The following STRIP2 variants were observed in gnomAD, a reference collection of about 807,000 sequenced individuals.
STRIP2 encodes the protein striatin interacting protein 2, also known as striatin-interacting protein 2.
A neutral mutation model predicts 107.1 loss-of-function variants in STRIP2; 84 were observed. The ratio of observed to expected loss-of-function variants is 0.78; its 90% CI spans 0.66 to 0.94. STRIP2 has a LOEUF of 0.94. STRIP2 is among the 40% of genes least tolerant of loss of function. The probability of loss-of-function intolerance (pLI) is 0.00; values close to 1 mark genes in which losing one functional copy is unlikely to be tolerated. For synonymous variants in STRIP2, 394 were observed against 400.4 expected, an observed-to-expected ratio of 0.98 and a Z score of 0.19; for missense variants, 888 against 1,034.2, an observed-to-expected ratio of 0.86 and a Z score of 1.94.
At chr7:129,444,190 T>C in intron 3 of STRIP2, 92 bp downstream of exon 3, 1 of 857,364 alleles carries the variant, frequency 1.2e-6, no homozygotes, top group Non-Finnish European at 1.9e-6. Context: ...AGTGCGATCC[T>C]TCATCCCCTC....
chr7:129,458,081 G>C lies in STRIP2; in HGVS notation c.1039-134G>C, dbSNP rs1164133641. ...GGACAGTAGGTTAAGGTGGGGAATT[G>C]GATGTTTTCGCAAGGGCTGTGTTCA... On this transcript the variant is annotated intron_variant, in intron 9 of 20. Coordinates refer to ENST00000249344, the MANE Select transcript of STRIP2 (RefSeq NM_020704.3). The surrounding 1 kb of genome is among the most constrained non-coding windows in gnomAD (Gnocchi z 4.6). The C allele has an allele frequency of 2.7e-6, 2 of 747,998 alleles. No homozygotes were observed. Among genetic ancestry groups the C allele is most frequent in the Non-Finnish European group, 4.8e-6 (2 of 418,628 alleles). 46.3% of individuals were successfully genotyped at this position (747,998 alleles called of 1,614,324 possible). A position where few individuals can be genotyped will look rare whatever the true frequency, so the allele number is the denominator to read the frequency against.
intron 8 of STRIP2, among the ~76,000 whole-genome samples, chr7:129,455,635 A>G (rs879338624): frequency 7.9e-5 from 12 of 152,156 alleles, no homozygotes; most frequent in East Asian, 3.9e-4. Context: ...ATTAAAGCCA[A>G]TGTTTGATGG....
At chr7:129,436,936 C>G (rs1302971071) in intron 1 of STRIP2, among the ~76,000 whole-genome samples, 1 of 152,192 alleles carries the variant, frequency 6.6e-6, no homozygotes, top group Non-Finnish European at 1.5e-5. Context: ...CACCTCAGAC[C>G]TCTTTTAGCC....
At chr7:129,443,874 A>T in intron 2 of STRIP2, 150 bp from the exon 3 acceptor site, 1 of 668,730 alleles carries the variant, frequency 1.5e-6, no homozygotes, top group Non-Finnish European at 2.7e-6. Context: ...GGCTATTTTT[A>T]ACGTTGCTCT....
chr7:129,467,384 A>C lies in STRIP2; in HGVS notation c.1811A>C (p.Asn604Thr). The C allele has an allele frequency of 6.2e-7, 1 of 1,613,854 alleles. No homozygotes were observed. Among genetic ancestry groups the C allele is most frequent in the Non-Finnish European group, 8.5e-7 (1 of 1,179,856 alleles). ...GTATCGCAACATTTGGTATTTGCCA[A>C]CTGCATCCCCTTGATCCTGAAGTTC... ...EYVSQHLVFA[N>T]CIPLILKFFN... is the part of the protein sequence containing the mutation. The change falls in exon 17 of 21, where the codon AAC becomes ACC. Residue 604 changes from asparagine (N) to threonine (T), a missense_variant. Coordinates refer to ENST00000249344, the MANE Select transcript of STRIP2 (RefSeq NM_020704.3).
chr7:129,464,161 C>T lies in STRIP2; in HGVS notation c.1649+20C>T. 6.4e-7 allele frequency: 1 copy of T among 1,569,472 alleles called. No individual in the cohort carries two copies. On this transcript the variant is annotated intron_variant, in intron 15 of 20. Coordinates refer to ENST00000249344, the MANE Select transcript of STRIP2 (RefSeq NM_020704.3). Reference sequence around the variant, plus strand: ...GATGCCGTGAGTGCTTCAACGGGGGCAGCTGCTGGATACTAGCTGTCTTAT... The same window carrying T: ...GATGCCGTGAGTGCTTCAACGGGGGTAGCTGCTGGATACTAGCTGTCTTAT...
Position 129,458,559 on chromosome 7 carries a change from G to T in STRIP2, c.1274+109G>T. 1 of 1,242,260 alleles carries T rather than the reference G, an allele frequency of 8.0e-7. No homozygotes were observed. Among genetic ancestry groups the T allele is most frequent in the South Asian group, 1.4e-5 (1 of 69,608 alleles). 77.0% of individuals were successfully genotyped at this position (1,242,260 alleles called of 1,614,324 possible). A position where few individuals can be genotyped will look rare whatever the true frequency, so the allele number is the denominator to read the frequency against. ...GCTCGTTAAGTTGGTCTGGCAGTCA[G>T]AACTCCTGGGTTTGAAATTCCTTCT... On this transcript the variant is annotated intron_variant, in intron 10 of 20. Coordinates refer to ENST00000249344, the MANE Select transcript of STRIP2 (RefSeq NM_020704.3). The surrounding 1 kb of genome is among the most constrained non-coding windows in gnomAD (Gnocchi z 4.6).
chr7:129,464,012 A>C, intron 14 of STRIP2, 32 bp from the exon 15 acceptor site: 1 of 1,565,970 alleles, frequency 6.4e-7, no homozygotes, highest in South Asian at 1.1e-5. Flanking sequence ...TGGGTTTGAC[A>C]GTGGTAAATT....
chr7:129,460,927 C>T (rs1798515981), intron 13 of STRIP2, among the ~76,000 whole-genome samples: 1 of 152,196 alleles, frequency 6.6e-6, no homozygotes, highest in Admixed American at 6.5e-5. Context: ...GAAGTTGACT[C>T]GCAGTCAAAG....
chr7:129,485,835 T>A lies in STRIP2; in HGVS notation c.*6T>A, dbSNP rs1359714244. 2 of 1,613,490 alleles carry A rather than the reference T, an allele frequency of 1.2e-6. No homozygotes were observed. The highest frequency in any genetic ancestry group is 2.7e-5 in the African/African-American group (2 of 74,912). ...AGCTGCTCCAGAATCACTGACTAAG[T>A]TCTTGTCAACAAGCATCAATAGATA... On this transcript the variant is annotated 3_prime_UTR_variant, in exon 21 of 21. Transcript: ENST00000249344.
At chr7:129,465,730 T>TG (rs1798655172) in intron 16 of STRIP2, among the ~76,000 whole-genome samples, 2 of 152,318 alleles carry the variant, frequency 1.3e-5, no homozygotes, top group South Asian at 4.2e-4. Flanking sequence ...AGTTTGGACT[T>TG]GGTTTCATGG....
intron 16 of STRIP2, among the ~76,000 whole-genome samples, chr7:129,465,923 C>T (rs1041399720): frequency 2.0e-5 from 3 of 152,230 alleles, no homozygotes; most frequent in African/African-American, 7.2e-5. Context: ...AGAGAGGCTT[C>T]TGTAGGGTCT....
rs576195374 is a variant in STRIP2 at position 129,453,246 on chromosome 7, T to G, written c.429T>G (p.Asp143Glu). 6.2e-7 allele frequency: 1 copy of G among 1,614,138 alleles called. No homozygotes were observed. Among genetic ancestry groups the G allele is most frequent in the East Asian group, 2.2e-5 (1 of 44,888 alleles). The change falls in exon 5 of 21, where the codon GAT becomes GAG. Residue 143 changes from aspartate to glutamate, a missense_variant. Coordinates refer to ENST00000249344, the MANE Select transcript of STRIP2 (RefSeq NM_020704.3). ...CTTTAGGTACTTTTGGGGAATGTGA[T>G]TCAGAGGTCGATGTGCTACACTGGT... Reference protein sequence around the residue: ...YLAQGTFGECDSEVDVLHWSR... With the variant: ...YLAQGTFGECESEVDVLHWSR...
At chr7:129,467,251 A>G in intron 16 of STRIP2, 99 bp from the exon 17 acceptor site, 1 of 848,672 alleles carries the variant, frequency 1.2e-6, no homozygotes, top group Non-Finnish European at 1.9e-6. Flanking sequence ...AGATATTCTC[A>G]GGAATGGATA....
At chr7:129,442,537 T>C (rs1044665281) in intron 2 of STRIP2, among the ~76,000 whole-genome samples, 5 of 152,214 alleles carry the variant, frequency 3.3e-5, no homozygotes, top group African/African-American at 1.2e-4. Context: ...TTAAATGTAC[T>C]ATTCTGTTCT....
At chr7:129,446,631 G>C (rs968599212) in intron 3 of STRIP2, among the ~76,000 whole-genome samples, 4 of 152,166 alleles carry the variant, frequency 2.6e-5, no homozygotes, top group Admixed American at 2.0e-4. Context: ...CTGTAAACCA[G>C]GCCCTGGTCT....
Position 129,463,008 on chromosome 7 carries a change from C to T in STRIP2, c.1519C>T (p.Gln507Ter). The T allele has an allele frequency of 6.2e-7, 1 of 1,614,102 alleles. No individual in the cohort carries two copies. The highest frequency in any genetic ancestry group is 8.5e-7 in the Non-Finnish European group (1 of 1,179,960). ...AGAGACGCCATGTGAAATCCTCTAC[C>T]AGGGAATGCTGTACAGCCTTCCGCA... is the stretch of plus-strand genomic sequence containing the variant. ...VPETPCEILYQGMLYSLPQYM... is the reference protein window; with the variant it reads ...VPETPCEILY The change falls in exon 14 of 21, where the codon CAG (glutamine) becomes TAG (stop). Residue 507 changes from glutamine (Q) to a stop codon, truncating the protein, a stop_gained. Coordinates refer to ENST00000249344, the MANE Select transcript of STRIP2 (RefSeq NM_020704.3). LOFTEE classifies it high-confidence loss of function.
chr7:129,464,868 A>AC, intron 16 of STRIP2, 130 bp downstream of exon 16: 1 of 1,233,386 alleles, frequency 8.1e-7, no homozygotes, highest in South Asian at 1.4e-5. Context: ...TCTCTCAGGG[A>AC]ATCCAGCCAC....
chr7:129,453,966 TGA>T (rs1439784236), intron 5 of STRIP2, among the ~76,000 whole-genome samples, 174 bp from the exon 6 acceptor site: 1 of 152,164 alleles, frequency 6.6e-6, no homozygotes, highest in Non-Finnish European at 1.5e-5. Flanking sequence ...TCACCATAGA[TGA>T]GAGTTTGCTG....
Sources: gnomAD v4.1 joint callset for allele counts (sites outside exome capture counted in the v4.1 genomes callset) on GRCh38, gnomAD v4.1.1 for gene constraint, Gnocchi (gnomAD v3.1) non-coding constraint, MANE v1.5 for transcripts, NCBI Gene and HGNC (gene_info 2026-07-23, HGNC 2026-07-21) for gene names.